Variants in GJA3 observed in about 807,000 individuals in gnomAD.
The protein encoded by GJA3 is gap junction alpha-3 protein.
For synonymous variants in GJA3, 297 were observed against 292.6 expected (o/e 1.02, Z -0.15); for missense variants, 571 against 620.3 (o/e 0.92, Z 0.84).
At chr13:20,156,551 A>T (rs1958908082) in intron 1 of GJA3, among the ~76,000 whole-genome samples, 1 of 152,146 alleles carries the variant, frequency 6.6e-6, no homozygotes, top group Admixed American at 6.5e-5. Flanking sequence ...ACCTCAGGTG[A>T]TCTGTGCACC....
At chr13:20,144,208 A>G (rs9552089) in intron 1 of GJA3, among the ~76,000 whole-genome samples, 30,066 of 152,194 alleles carry the variant, frequency 0.2, 3,769 homozygotes, top group Non-Finnish European at 0.28. Flanking sequence ...CACCTGACCG[A>G]ATGCCCACAC....
chr13:20,146,856 T>C (rs924975730), intron 1 of GJA3, among the ~76,000 whole-genome samples: 1 of 152,222 alleles, frequency 6.6e-6, no homozygotes, highest in Non-Finnish European at 1.5e-5. Flanking sequence ...AAATGTCTGG[T>C]AGAGGATGAA....
intron 1 of GJA3, among the ~76,000 whole-genome samples, chr13:20,147,556 T>G (rs959085194): frequency 6.6e-6 from 1 of 152,188 alleles, no homozygotes; most frequent in African/African-American, 2.4e-5. Context: ...TTTTATACAC[T>G]CTCTTACGTG....
intron 1 of GJA3, among the ~76,000 whole-genome samples, chr13:20,145,858 A>ACATCCCCCTCCC (rs553026473): frequency 8.0e-4 from 121 of 151,730 alleles, no homozygotes; most frequent in Admixed American, 3.4e-3. Context: ...CCTCTTCCCA[A>ACATCCCCCTCCC]CATCCCCCTC....
rs557677250 is a variant in GJA3, at chr13:20,142,437, G to A, written c.852C>T (p.Ala284=). The A allele has an allele frequency of 5.1e-5, 76 of 1,501,262 alleles. No individual in the cohort carries two copies. The highest frequency in any genetic ancestry group is 3.6e-4 in the Middle Eastern group (2 of 5,576). 93.0% of individuals were successfully genotyped at this position (1,501,262 alleles called of 1,614,324 possible). The part of the protein sequence containing the change: ...HTAAPLGQAR[A]VGYPGAPPPA... ...GTGGCGGGGCCCCGGGGTAGCCCAC[G>A]GCGCGGGCCTGTCCCAGGGGCGCAG... is the stretch of plus-strand genomic sequence containing the variant. The change falls in exon 2 of 2, where the codon GCC becomes GCT. Residue 284 remains alanine (A), a synonymous_variant. Transcript: ENST00000241125.
Position 20,142,321 on chromosome 13 carries a change from A to C in GJA3, c.968T>G (p.Met323Arg), listed in dbSNP as rs1193562890. 6.4e-7 allele frequency: 1 copy of C among 1,573,750 alleles called. No individual in the cohort carries two copies. Among genetic ancestry groups the C allele is most frequent in the Non-Finnish European group, 8.6e-7 (1 of 1,160,308 alleles). The change falls in exon 2 of 2, where the codon ATG becomes AGG. Residue 323 changes from methionine (M) to arginine (R), a missense_variant. Transcript: ENST00000241125. ...CTGGTTGGCCCAGTTCTGCTCAGTC[A>C]TCAGCAGGTGGTGGTGGCCGTTGTA... Reference protein sequence around the residue: ...KLYNGHHHLLMTEQNWANQAA... With the variant: ...KLYNGHHHLLRTEQNWANQAA...
chr13:20,159,129 CCCT>C (rs1330440549), intron 1 of GJA3, among the ~76,000 whole-genome samples: 1 of 151,658 alleles, frequency 6.6e-6, no homozygotes, highest in South Asian at 2.1e-4. Context: ...TGGATTTTTT[CCCT>C]CCTCAATTCA....
At chr13:20,160,576 C>T (rs1184070456) in intron 1 of GJA3, among the ~76,000 whole-genome samples, 1 of 152,236 alleles carries the variant, frequency 6.6e-6, no homozygotes, top group East Asian at 1.9e-4. Flanking sequence ...ACAACTTAAA[C>T]TCGGCCTTGG....
Position 20,143,040 on chromosome 13 carries a change from G to A in GJA3, c.249C>T (p.Ile83=), listed in dbSNP as rs757297530. ...SHIRFWALQI[I]FVSTPTLIYL... ...AGATGAGGGTGGGCGTGGACACGAA[G>A]ATGATCTGCAGCGCCCAGAAGCGGA... The change falls in exon 2 of 2, where the codon ATC becomes ATT. Residue 83 remains isoleucine (I), a synonymous_variant. Transcript: ENST00000241125. 2.5e-6 allele frequency: 4 copies of A among 1,613,418 alleles called. No individual in the cohort carries two copies. In the South Asian group the frequency reaches 3.3e-5, roughly 13 times the overall value.
Position 20,142,187 on chromosome 13 carries a change from C to A in GJA3, c.1102G>T (p.Ala368Ser). ...TCCAGCAGCAGGGGCGCCGCGCCCG[C>A]CTCAGCCTCGTGCGCGAGTGGCGGG... ...SSPPLAHEAE[A>S]GAAPLLLDGS... The change falls in exon 2 of 2, where the codon GCG (alanine) becomes TCG (serine). Residue 368 changes from alanine to serine, a missense_variant. Coordinates refer to ENST00000241125, the MANE Select transcript of GJA3 (RefSeq NM_021954.4). 6.6e-7 allele frequency: 1 copy of A among 1,518,120 alleles called. No homozygotes were observed. The highest frequency in any genetic ancestry group is 8.8e-7 in the Non-Finnish European group (1 of 1,135,410). The allele number at this position is 1,518,120 out of a possible 1,614,324, so 94.0% of individuals were successfully genotyped here.
Position 20,140,300 on chromosome 13 carries a change from C to A in GJA3, c.*1681G>T, listed in dbSNP as rs560662233. Reference sequence around the variant, plus strand: ...AGCAAGCAGAATGTACTAACAAATTCTTTGTGTTTGACTGACATGAAAAAC... The same window carrying A: ...AGCAAGCAGAATGTACTAACAAATTATTTGTGTTTGACTGACATGAAAAAC... On this transcript the variant is annotated 3_prime_UTR_variant, in exon 2 of 2. Transcript: ENST00000241125. 2.6e-5 allele frequency: 4 copies of A among 152,230 alleles called. No homozygotes were observed. The highest frequency in any genetic ancestry group is 9.6e-5 in the African/African-American group (4 of 41,534). The allele number at this position is 152,230 out of a possible 1,614,324, so 9.4% of individuals were successfully genotyped here. A position where few individuals can be genotyped will look rare whatever the true frequency, so the allele number is the denominator to read the frequency against.
intron 1 of GJA3, among the ~76,000 whole-genome samples, chr13:20,149,486 T>TA (rs1015129570): frequency 1.4e-4 from 21 of 151,760 alleles, no homozygotes; most frequent in African/African-American, 2.7e-4. Flanking sequence ...CCCTGTCTCT[T>TA]AAAAAAAAGA....
intron 1 of GJA3, among the ~76,000 whole-genome samples, chr13:20,150,842 C>G (rs1958872787): frequency 6.6e-6 from 1 of 152,144 alleles, no homozygotes; most frequent in Non-Finnish European, 1.5e-5. Context: ...CGTCAGTGCC[C>G]TTTAGAGGGC....
intron 1 of GJA3, among the ~76,000 whole-genome samples, chr13:20,159,574 G>A (rs4769960): frequency 0.99 from 150,800 of 152,154 alleles, 74,745 homozygotes; most frequent in Middle Eastern, 1. Flanking sequence ...GTTAAAATGT[G>A]AGTAACATTC....
chr13:20,151,722 CGG>C (rs1375762820), intron 1 of GJA3, among the ~76,000 whole-genome samples: 5 of 151,926 alleles, frequency 3.3e-5, no homozygotes, highest in African/African-American at 1.2e-4. Flanking sequence ...CAAGCTGAGG[CGG>C]GGGAGGCAGA....
upstream of GJA3, among the ~76,000 whole-genome samples, chr13:20,161,513 C>A (rs559301339): frequency 6.6e-6 from 1 of 152,088 alleles, no homozygotes; most frequent in Non-Finnish European, 1.5e-5. Flanking sequence ...GGGCGTCGGG[C>A]ACCTAGGTCT....
At position 20,143,309 on chromosome 13, in the gene GJA3, T is replaced by A; in HGVS notation, c.-17-4A>T. On this transcript the variant is annotated splice_region_variant and splice_polypyrimidine_tract_variant and intron_variant, in intron 1 of 1. Transcript: ENST00000241125. ...CCCATTGCTTCAGATTCCTAACCTG[T>A]AAGAGGAAAATGCTCATGAACACCG... The A allele has an allele frequency of 6.6e-7, 1 of 1,507,020 alleles. No homozygotes were observed. Among genetic ancestry groups the A allele is most frequent in the South Asian group, 1.3e-5 (1 of 74,426 alleles). The allele number at this position is 1,507,020 out of a possible 1,614,324, so 93.4% of individuals were successfully genotyped here.
In GJA3 at chr13:20,139,623, C is replaced by T. The variant is rs1413174988; in HGVS notation, c.*2358G>A. On this transcript the variant is annotated 3_prime_UTR_variant, in exon 2 of 2. Coordinates refer to ENST00000241125, the MANE Select transcript of GJA3 (RefSeq NM_021954.4). ...AAACACCACAGGCACTGTTCTATTG[C>T]AAAACCTCACTTCTTTATAGATTAG... is the stretch of plus-strand genomic sequence containing the variant. 1 of 152,138 alleles carries T rather than the reference C, an allele frequency of 6.6e-6. No individual in the cohort carries two copies. Among genetic ancestry groups the T allele is most frequent in the African/African-American group, 2.4e-5 (1 of 41,424 alleles). The allele number at this position is 152,138 out of a possible 1,614,324, so 9.4% of individuals were successfully genotyped here.
chr13:20,153,641 G>A (rs1046234183), intron 1 of GJA3, among the ~76,000 whole-genome samples: 1 of 152,104 alleles, frequency 6.6e-6, no homozygotes, highest in African/African-American at 2.4e-5. Context: ...TGTGGGGTGC[G>A]GGGAGGGGGA....
Sources: gnomAD v4.1 joint callset for allele counts (sites outside exome capture counted in the v4.1 genomes callset) on GRCh38, gnomAD v4.1.1 for gene constraint, MANE v1.5 for transcripts, NCBI Gene and HGNC (gene_info 2026-07-23, HGNC 2026-07-21) for gene names.